The following NBEA variants were observed in gnomAD, a reference collection of about 807,000 sequenced individuals.
NBEA encodes neurobeachin.
NBEA carries 44 observed loss-of-function variants against 343.4 expected under a neutral mutation model. The ratio of observed to expected loss-of-function variants is 0.13; its 90% CI spans 0.10 to 0.16. The LOEUF is 0.16. Among genes scored for constraint, NBEA ranks in the 10% least tolerant of loss-of-function variants. The pLI is 1.00. For synonymous variants in NBEA, 1,175 were observed against 1,238.7 expected (o/e 0.95, Z 1.08); for missense variants, 2,555 against 3,631.3 (o/e 0.70, Z 7.62).
intron 48 of NBEA, among the ~76,000 whole-genome samples, chr13:35,607,046 C>T (rs2082306889): frequency 6.6e-6 from 1 of 152,000 alleles, no homozygotes; most frequent in African/African-American, 2.4e-5. Flanking sequence ...AAATAGAAAA[C>T]ATCTTTTTTT....
chr13:35,402,109 C>A (rs931883739), intron 38 of NBEA, among the ~76,000 whole-genome samples: 21 of 151,586 alleles, frequency 1.4e-4, no homozygotes, highest in Non-Finnish European at 2.7e-4. Flanking sequence ...AAAACCACTT[C>A]AAAAGGTGAA....
intron 41 of NBEA, among the ~76,000 whole-genome samples, chr13:35,548,828 T>C (rs1293056862): frequency 6.6e-6 from 1 of 152,210 alleles, no homozygotes; most frequent in Non-Finnish European, 1.5e-5. Context: ...GGCAAGTCAC[T>C]ATAACCCTTT....
At chr13:35,363,384 A>G (rs483335) in intron 38 of NBEA, among the ~76,000 whole-genome samples, 44,211 of 151,592 alleles carry the variant, frequency 0.29, 8,295 homozygotes, top group African/African-American at 0.54. Flanking sequence ...GGCTATATGG[A>G]TTCCTGCCAT....
chr13:35,394,236 TG>T (rs2042635114), intron 38 of NBEA, among the ~76,000 whole-genome samples: 1 of 152,202 alleles, frequency 6.6e-6, no homozygotes, highest in Non-Finnish European at 1.5e-5. Flanking sequence ...GGCTTACTTC[TG>T]GGAACAGACG....
intron 31 of NBEA, among the ~76,000 whole-genome samples, chr13:35,204,600 G>A (rs112813351): frequency 0.022 from 3,411 of 152,140 alleles, 53 homozygotes; most frequent in Non-Finnish European, 0.035. Flanking sequence ...TTTGGGTGGG[G>A]ACACAGCCAA....
chr13:35,219,165 A>C (rs1940545321), intron 33 of NBEA, among the ~76,000 whole-genome samples: 1 of 151,928 alleles, frequency 6.6e-6, no homozygotes, highest in Non-Finnish European at 1.5e-5. Flanking sequence ...TTCTTTATTT[A>C]AGCTAGCCAG....
intron 51 of NBEA, among the ~76,000 whole-genome samples, chr13:35,648,264 A>G (rs767128374): frequency 6.9e-6 from 1 of 144,940 alleles, no homozygotes; most frequent in Non-Finnish European, 1.5e-5. Context: ...GTCACTAGTG[A>G]ACTCTTTTGA....
At chr13:34,965,649 C>T (rs889285072) in intron 1 of NBEA, among the ~76,000 whole-genome samples, 1 of 151,816 alleles carries the variant, frequency 6.6e-6, no homozygotes, top group Admixed American at 6.6e-5. Context: ...TTTTATGGAT[C>T]CTTGTTTAAC....
intron 41 of NBEA, among the ~76,000 whole-genome samples, chr13:35,507,564 T>G (rs1377754783): frequency 6.6e-6 from 1 of 152,158 alleles, no homozygotes; most frequent in African/African-American, 2.4e-5. Flanking sequence ...ACCTACAGTC[T>G]TTCTTATCAC....
chr13:35,202,429 T>C (rs1305312763), intron 31 of NBEA, among the ~76,000 whole-genome samples: 3 of 152,184 alleles, frequency 2.0e-5, no homozygotes, highest in Non-Finnish European at 4.4e-5. Context: ...ACGGGATTCT[T>C]ATAGTGTGCC....
intron 38 of NBEA, among the ~76,000 whole-genome samples, chr13:35,361,603 G>A (rs1277031631): frequency 6.6e-6 from 1 of 151,884 alleles, no homozygotes; most frequent in African/African-American, 2.4e-5. Flanking sequence ...GAAAACATAG[G>A]AGAAAAATCT....
chr13:34,984,096 A>G (rs1212897587), intron 1 of NBEA, among the ~76,000 whole-genome samples: 4 of 152,166 alleles, frequency 2.6e-5, no homozygotes, highest in Non-Finnish European at 5.9e-5. Context: ...TGTTTTAGTC[A>G]TGAAGTCCTT....
At chr13:35,311,920 TCTC>T (rs1306583043) in intron 36 of NBEA, among the ~76,000 whole-genome samples, 7 of 152,182 alleles carry the variant, frequency 4.6e-5, no homozygotes, top group African/African-American at 1.7e-4. Context: ...TTCTCTGTGC[TCTC>T]CTAAGTTTCT....
chr13:35,632,307 T>G (rs1417317556), intron 49 of NBEA, among the ~76,000 whole-genome samples: 1 of 152,186 alleles, frequency 6.6e-6, no homozygotes, highest in Non-Finnish European at 1.5e-5. Context: ...TTCTAACACC[T>G]TGATGCTCAA....
chr13:35,354,467 C>G (rs565508049), intron 38 of NBEA, among the ~76,000 whole-genome samples: 6 of 152,260 alleles, frequency 3.9e-5, no homozygotes, highest in Admixed American at 1.3e-4. Flanking sequence ...CATGTGGTAA[C>G]ATGTCAGATG....
intron 37 of NBEA, among the ~76,000 whole-genome samples, chr13:35,350,935 GT>G (rs1439603499): frequency 6.6e-6 from 1 of 151,698 alleles, no homozygotes; most frequent in Non-Finnish European, 1.5e-5. Flanking sequence ...AGTTTTTTTA[GT>G]TAACTACTGT....
chr13:35,474,238 T>C (rs947032119), intron 41 of NBEA: 3 of 152,574 alleles, frequency 2.0e-5, no homozygotes, highest in Non-Finnish European at 2.9e-5. Flanking sequence ...TCTAATTAAA[T>C]AAAAACCAGC....
chr13:35,162,463 G>C (rs892891173), intron 23 of NBEA, among the ~76,000 whole-genome samples: 1 of 152,096 alleles, frequency 6.6e-6, no homozygotes, highest in Admixed American at 6.6e-5. Flanking sequence ...TAGGATTCAA[G>C]GTGGCTGCTT....
chr13:35,261,783 A>G (rs2033238605), intron 34 of NBEA, among the ~76,000 whole-genome samples: 1 of 152,192 alleles, frequency 6.6e-6, no homozygotes, highest in South Asian at 2.1e-4. Flanking sequence ...AGTTTAATAT[A>G]CATGGAATTG....
Sources: gnomAD v4.1 joint callset for allele counts (sites outside exome capture counted in the v4.1 genomes callset) on GRCh38, gnomAD v4.1.1 for gene constraint, MANE v1.5 for transcripts, NCBI Gene and HGNC (gene_info 2026-07-23, HGNC 2026-07-21) for gene names.